The following MYLK variants were observed in gnomAD, a reference collection of about 807,000 sequenced individuals.
The protein encoded by MYLK is myosin light chain kinase.
In MYLK, 106 loss-of-function variants were observed where a neutral mutation model predicts 203.4. The observed-to-expected ratio is 0.52, with a 90% CI of 0.45 to 0.61. MYLK has a LOEUF of 0.61. Among genes scored for constraint, MYLK ranks in the 20% least tolerant of loss-of-function variants. The pLI, the probability that MYLK is intolerant of heterozygous loss-of-function variation, is 0.00. For synonymous variants in MYLK, 867 were observed against 959.5 expected, an observed-to-expected ratio of 0.90 and a Z score of 1.78; for missense variants, 2,072 against 2,442.3, an observed-to-expected ratio of 0.85 and a Z score of 3.20.
intron 20 of MYLK, among the ~76,000 whole-genome samples, chr3:123,673,147 T>G (rs1275985732): frequency 8.0e-6 from 1 of 125,672 alleles, no homozygotes. Context: ...TGCAGCATGT[T>G]CTTTTTTTCT....
At chr3:123,714,048 A>C (rs1430713783) in intron 13 of MYLK, among the ~76,000 whole-genome samples, 3 of 151,904 alleles carry the variant, frequency 2.0e-5, no homozygotes, top group Admixed American at 6.6e-5. Flanking sequence ...AATGAGAAAA[A>C]CCCCCCAAAC....
intron 19 of MYLK, among the ~76,000 whole-genome samples, chr3:123,684,387 C>T (rs186264368): frequency 1.1e-4 from 17 of 152,292 alleles, no homozygotes; most frequent in African/African-American, 3.4e-4. Flanking sequence ...CAGAGCCTCC[C>T]CTTGATATCT....
rs757115211 is a variant in MYLK, at chr3:123,614,272, C to T, written c.5578G>A (p.Asp1860Asn). 1.2e-6 allele frequency: 2 copies of T among 1,614,040 alleles called. No homozygotes were observed. The highest frequency in any genetic ancestry group is 2.2e-5 in the East Asian group (1 of 44,898). Residue 1860 changes from aspartate to asparagine, a missense_variant, in exon 34 of 34, where the codon GAT (aspartate) becomes AAT (asparagine). Transcript: ENST00000360304. ...RESRHFQIDYDEDGNCSLIIS... is the reference protein window; with the variant it reads ...RESRHFQIDYNEDGNCSLIIS... Reference sequence around the variant, plus strand: ...ATTAAAGAGCAGTTCCCGTCCTCATCGTAGTCTATCTGGAAGTGGCGGGAC... The same window carrying T: ...ATTAAAGAGCAGTTCCCGTCCTCATTGTAGTCTATCTGGAAGTGGCGGGAC...
chr3:123,685,145 G>GTCA (rs1269223770), intron 19 of MYLK, among the ~76,000 whole-genome samples: 1 of 152,212 alleles, frequency 6.6e-6, no homozygotes, highest in East Asian at 1.9e-4. Flanking sequence ...CTTTGGCTTT[G>GTCA]TCATCAGCAA....
chr3:123,780,237 C>G (rs902885653), intron 4 of MYLK, among the ~76,000 whole-genome samples: 6 of 152,032 alleles, frequency 3.9e-5, no homozygotes, highest in African/African-American at 1.4e-4. Context: ...AGTTTGAGAC[C>G]AGCCTGACCA....
At chr3:123,725,888 G>T (rs1224124376) in intron 12 of MYLK, 56 bp downstream of exon 12, 1 of 1,590,248 alleles carries the variant, frequency 6.3e-7, no homozygotes, top group Non-Finnish European at 8.6e-7. Flanking sequence ...GAGAATTCAG[G>T]CAGCGCCAAA....
Position 123,776,194 on chromosome 3 carries a change from G to A in MYLK, c.165+17483C>T, listed in dbSNP as rs562229469. Reference sequence around the variant, plus strand: ...GGTCTACTGAAGGATTCTTGGTTTGGAGGGAACCAAGCTACGAGCTGGGGC... The same window carrying A: ...GGTCTACTGAAGGATTCTTGGTTTGAAGGGAACCAAGCTACGAGCTGGGGC... On this transcript the variant is annotated intron_variant, in intron 4 of 33. Coordinates refer to ENST00000360304, the MANE Select transcript of MYLK (RefSeq NM_053025.4). Among the ~76,000 whole-genome samples, 8 of 152,306 alleles carry A rather than the reference G, an allele frequency of 5.3e-5. No homozygotes were observed. The East Asian group carries it at 1.5e-3, about 29-fold the overall frequency.
chr3:123,838,922 C>T (rs1213461919), intron 2 of MYLK, among the ~76,000 whole-genome samples: 5 of 151,848 alleles, frequency 3.3e-5, no homozygotes, highest in Non-Finnish European at 1.5e-5. Context: ...TGGTGAAACC[C>T]CATCTCTACT....
chr3:123,828,168 A>G (rs1008870515), intron 3 of MYLK, among the ~76,000 whole-genome samples: 1 of 152,210 alleles, frequency 6.6e-6, no homozygotes, highest in African/African-American at 2.4e-5. Flanking sequence ...ACCAAAAATG[A>G]CAAAGCTGGG....
chr3:123,647,700 T>G (rs2059070244), intron 26 of MYLK, among the ~76,000 whole-genome samples: 1 of 151,858 alleles, frequency 6.6e-6, no homozygotes, highest in African/African-American at 2.4e-5. Context: ...GAGGCACATT[T>G]GTTTTTTCTT....
At chr3:123,677,906 T>TATATATATATATAC (rs1185008589) in intron 20 of MYLK, among the ~76,000 whole-genome samples, 2 of 95,136 alleles carry the variant, frequency 2.1e-5, no homozygotes, top group Admixed American at 2.1e-4. Flanking sequence ...TATATATATA[T>TATATATATATATAC]ATATATATAT....
intron 3 of MYLK, among the ~76,000 whole-genome samples, chr3:123,819,090 T>C (rs2065837977): frequency 6.6e-6 from 1 of 152,222 alleles, no homozygotes; most frequent in African/African-American, 2.4e-5. Context: ...ATGACAAGGA[T>C]GAAATAAACA....
At chr3:123,851,761 G>A (rs1414023677) in intron 2 of MYLK, among the ~76,000 whole-genome samples, 2 of 151,978 alleles carry the variant, frequency 1.3e-5, no homozygotes, top group East Asian at 3.9e-4. Flanking sequence ...GATTGCCCTG[G>A]CCAGAACTTC....
chr3:123,775,053 A>G (rs941072559), intron 4 of MYLK, among the ~76,000 whole-genome samples: 1 of 151,368 alleles, frequency 6.6e-6, no homozygotes, highest in Non-Finnish European at 1.5e-5. Context: ...AATTTTAGAG[A>G]TGGGGTTTTG....
chr3:123,833,029 G>C (rs1008464507), intron 2 of MYLK, among the ~76,000 whole-genome samples: 1 of 152,058 alleles, frequency 6.6e-6, no homozygotes, highest in Non-Finnish European at 1.5e-5. Context: ...AAGGAAACGG[G>C]AGAGACGGGG....
chr3:123,622,044 G>T (rs1048289313), intron 31 of MYLK: 2 of 152,276 alleles, frequency 1.3e-5, no homozygotes, highest in African/African-American at 4.8e-5. Context: ...TGTAGAGAGA[G>T]AGAGACCCAG....
chr3:123,717,286 C>G (rs2061929834), intron 13 of MYLK, among the ~76,000 whole-genome samples: 1 of 152,234 alleles, frequency 6.6e-6, no homozygotes, highest in Non-Finnish European at 1.5e-5. Flanking sequence ...AATCTGAAAA[C>G]AAACTGTGCC....
intron 20 of MYLK, among the ~76,000 whole-genome samples, chr3:123,670,416 CTGATA>C (rs1273335515): frequency 2.6e-5 from 4 of 151,988 alleles, no homozygotes; most frequent in Non-Finnish European, 5.9e-5. Flanking sequence ...GAGCACAGGG[CTGATA>C]TTGGACAGCA....
At chr3:123,860,694 C>T (rs1329052379) in intron 2 of MYLK, among the ~76,000 whole-genome samples, 1 of 152,198 alleles carries the variant, frequency 6.6e-6, no homozygotes, top group African/African-American at 2.4e-5. Flanking sequence ...TGCTCCCATC[C>T]TCAGAGCTGT....
Sources: gnomAD v4.1 joint callset for allele counts (sites outside exome capture counted in the v4.1 genomes callset) on GRCh38, gnomAD v4.1.1 for gene constraint, MANE v1.5 for transcripts, NCBI Gene and HGNC (gene_info 2026-07-23, HGNC 2026-07-21) for gene names.